KCNN2: variants seen among roughly 807,000 people sequenced by gnomAD.
KCNN2 encodes the protein potassium calcium-activated channel subfamily N member 2.
Under a neutral mutation model 55.5 loss-of-function variants are expected in KCNN2, and 24 were observed. The observed-to-expected ratio is 0.43, with a 90% CI of 0.31 to 0.61. The LOEUF (loss-of-function observed/expected upper bound fraction) is 0.61, where lower values mean the gene tolerates loss of function less well. Among genes scored for constraint, KCNN2 ranks in the 20% least tolerant of loss-of-function variants. KCNN2 has a pLI of 0.08. For synonymous variants in KCNN2, 431 were observed against 336.1 expected (o/e 1.28, Z -3.09); for missense variants, 754 against 853.6 (o/e 0.88, Z 1.45).
At chr5:114,068,076 G>A (rs1750487840) in intron 1 of KCNN2, among the ~76,000 whole-genome samples, 1 of 152,172 alleles carries the variant, frequency 6.6e-6, no homozygotes, top group Non-Finnish European at 1.5e-5. Context: ...CAGAAGTCAT[G>A]GTTGATGATT....
At chr5:114,473,315 G>A (rs1761834231) in intron 5 of KCNN2, 151 bp downstream of exon 5, 1 of 637,916 alleles carries the variant, frequency 1.6e-6, no homozygotes, top group Non-Finnish European at 2.8e-6. Context: ...ATCACATTTT[G>A]AGAATAGACT....
At chr5:114,120,211 G>T (rs1055574560) in intron 1 of KCNN2, among the ~76,000 whole-genome samples, 1 of 152,020 alleles carries the variant, frequency 6.6e-6, no homozygotes, top group Non-Finnish European at 1.5e-5. Flanking sequence ...TGTGCTTCAG[G>T]CTTCAATATG....
intron 1 of KCNN2, among the ~76,000 whole-genome samples, chr5:114,060,472 G>A (rs998557345): frequency 6.6e-6 from 1 of 152,230 alleles, no homozygotes; most frequent in Non-Finnish European, 1.5e-5. Context: ...AGGAAGGAAG[G>A]GAGTGAGGGA....
chr5:114,342,706 T>C (rs1356650107), intron 2 of KCNN2, among the ~76,000 whole-genome samples: 3 of 152,248 alleles, frequency 2.0e-5, no homozygotes, highest in African/African-American at 4.8e-5. Flanking sequence ...AAGTATATTC[T>C]TTCTTAACAG....
At chr5:114,247,192 C>A (rs1474547346) in intron 2 of KCNN2, among the ~76,000 whole-genome samples, 2 of 99,632 alleles carry the variant, frequency 2.0e-5, no homozygotes, top group Non-Finnish European at 3.9e-5. Context: ...GGCATGGTAC[C>A]ATATGTCTCC....
At chr5:114,469,988 T>C (rs1761646535) in intron 4 of KCNN2, among the ~76,000 whole-genome samples, 1 of 152,160 alleles carries the variant, frequency 6.6e-6, no homozygotes, top group Non-Finnish European at 1.5e-5. Context: ...GTTAGGATAA[T>C]GGAGTGAGGT....
intron 1 of KCNN2, among the ~76,000 whole-genome samples, chr5:114,101,354 AC>A (rs1353488737): frequency 6.8e-6 from 1 of 147,380 alleles, no homozygotes; most frequent in Non-Finnish European, 1.5e-5. Context: ...AGGTGTAATC[AC>A]ATCTCTAGGT....
intron 5 of KCNN2, among the ~76,000 whole-genome samples, chr5:114,485,978 C>G (rs1387465061): frequency 1.3e-5 from 2 of 152,138 alleles, no homozygotes; most frequent in African/African-American, 4.8e-5. Flanking sequence ...TTCATTATCT[C>G]TAACTTTCTG....
intron 1 of KCNN2, among the ~76,000 whole-genome samples, chr5:114,184,224 TAAATCAGTGCTGC>T (rs1279709843): frequency 2.0e-5 from 3 of 152,164 alleles, no homozygotes; most frequent in Non-Finnish European, 2.9e-5. Flanking sequence ...GCCTAGCTGA[TAAATCAGTGCTGC>T]AAGTGATTAG....
chr5:114,212,415 G>C (rs1011261805), intron 1 of KCNN2, among the ~76,000 whole-genome samples: 1 of 151,960 alleles, frequency 6.6e-6, no homozygotes, highest in African/African-American at 2.4e-5. Flanking sequence ...TGATAGTAGG[G>C]GTAGTTTCTT....
In KCNN2 at chr5:114,312,379, AAGG is replaced by A. The variant is rs1395549315; in HGVS notation, c.-184-48563_-184-48561del. Among the ~76,000 whole-genome samples, 6 of 129,582 alleles carry A rather than the reference AAGG, an allele frequency of 4.6e-5. No individual in the cohort carries two copies. In the East Asian group the frequency reaches 1.2e-3, roughly 27 times the overall value. 85.0% of individuals were successfully genotyped at this position (129,582 alleles called of 152,430 possible). A position where few individuals can be genotyped will look rare whatever the true frequency, so the allele number is the denominator to read the frequency against. On this transcript the variant is annotated intron_variant, in intron 2 of 10. Transcript: ENST00000512097. ...CTTTGATTCATCCTGTGAAATAAAA[AAGG>A]AGATACACACACACACACACACACA...
chr5:114,285,078 C>T (rs374774117), intron 2 of KCNN2, among the ~76,000 whole-genome samples: 84 of 150,602 alleles, frequency 5.6e-4, no homozygotes, highest in African/African-American at 1.9e-3. Flanking sequence ...GTCAGGAGAT[C>T]GAGACCATCT....
chr5:114,209,996 T>A (rs1753848348), intron 1 of KCNN2, among the ~76,000 whole-genome samples: 1 of 152,200 alleles, frequency 6.6e-6, no homozygotes, highest in African/African-American at 2.4e-5. Flanking sequence ...AAATTTGAGT[T>A]GCCTCATGTG....
intron 2 of KCNN2, among the ~76,000 whole-genome samples, chr5:114,232,922 CTTG>C (rs1754390798): frequency 2.3e-5 from 1 of 44,034 alleles, no homozygotes; most frequent in Non-Finnish European, 4.6e-5. Context: ...TATATTGTTT[CTTG>C]TTTTTTTTTT....
chr5:114,108,630 G>C (rs541328325), intron 1 of KCNN2, among the ~76,000 whole-genome samples: 2 of 152,092 alleles, frequency 1.3e-5, no homozygotes, highest in African/African-American at 4.8e-5. Flanking sequence ...TTATTGGGAG[G>C]GGGATTCTGA....
intron 2 of KCNN2, among the ~76,000 whole-genome samples, chr5:114,380,250 G>A (rs994257401): frequency 1.3e-5 from 2 of 152,148 alleles, no homozygotes; most frequent in Middle Eastern, 3.4e-3. Flanking sequence ...CTTCTAACGT[G>A]GATTAATGTA....
chr5:114,190,921 C>T (rs931687810), intron 1 of KCNN2, among the ~76,000 whole-genome samples: 1 of 152,244 alleles, frequency 6.6e-6, no homozygotes, highest in Non-Finnish European at 1.5e-5. Flanking sequence ...CTCCCTTCGA[C>T]ACTCTTGGAA....
intron 1 of KCNN2, among the ~76,000 whole-genome samples, chr5:114,084,941 C>G (rs371226693): frequency 1.3e-5 from 2 of 151,856 alleles, no homozygotes; most frequent in Non-Finnish European, 2.9e-5. Flanking sequence ...TGCCTTTACT[C>G]CTTTGTCAGC....
At chr5:114,217,149 G>A (rs912751473) in intron 1 of KCNN2, among the ~76,000 whole-genome samples, 12 of 151,998 alleles carry the variant, frequency 7.9e-5, no homozygotes, top group Non-Finnish European at 1.0e-4. Flanking sequence ...TCATGAATGG[G>A]AAAACTCAAT....
Sources: gnomAD v4.1 joint callset for allele counts (sites outside exome capture counted in the v4.1 genomes callset) on GRCh38, gnomAD v4.1.1 for gene constraint, MANE v1.5 for transcripts, NCBI Gene and HGNC (gene_info 2026-07-23, HGNC 2026-07-21) for gene names.